FAM184B: variants seen among roughly 807,000 people sequenced by gnomAD.
FAM184B encodes protein FAM184B.
In FAM184B, 111 loss-of-function variants were observed where a neutral mutation model predicts 135.9. The ratio of observed to expected loss-of-function variants is 0.82; its 90% CI spans 0.70 to 0.96. The LOEUF (loss-of-function observed/expected upper bound fraction) is 0.96, where lower values mean the gene tolerates loss of function less well. Among genes scored for constraint, FAM184B ranks in the 40% least tolerant of loss-of-function variants. The pLI is 0.00. For synonymous variants in FAM184B, 552 were observed against 524.8 expected, an observed-to-expected ratio of 1.05 and a Z score of -0.71; for missense variants, 1,375 against 1,323.9, an observed-to-expected ratio of 1.04 and a Z score of -0.60.
At position 17,647,628 on chromosome 4, in the gene FAM184B, G is replaced by A. The variant is rs1196528716; in HGVS notation, c.2346+9C>T. ...GGGGTATTGCTGGTGCAAGGGCGGGGGCACTGACCTCTGTGGCGATTATGT... is the reference window on the plus strand; with the variant it reads ...GGGGTATTGCTGGTGCAAGGGCGGGAGCACTGACCTCTGTGGCGATTATGT... On this transcript the variant is annotated intron_variant, in intron 12 of 17. Coordinates refer to ENST00000265018, the MANE Select transcript of FAM184B (RefSeq NM_015688.2). 1.3e-6 allele frequency: 2 copies of A among 1,546,460 alleles called. No individual in the cohort carries two copies. Among genetic ancestry groups the A allele is most frequent in the Admixed American group, 2.0e-5 (1 of 50,904 alleles).
At chr4:17,742,168 A>ATATATATTTTT (rs1459958150) in intron 1 of FAM184B, among the ~76,000 whole-genome samples, 118 of 109,192 alleles carry the variant, frequency 1.1e-3, no homozygotes, top group African/African-American at 5.6e-3. Flanking sequence ...ATATATATAT[A>ATATATATTTTT]TTTTTTTTTT....
In FAM184B at chr4:17,631,337, A is replaced by G. The variant is rs917529196; in HGVS notation, c.*1195T>C. On this transcript the variant is annotated 3_prime_UTR_variant, in exon 18 of 18. Transcript: ENST00000265018. ...TAGCTGGGTTTTCTTTGGGCTAATT[A>G]TTTTTTTGTAGAGATGGAGGTCTCG... 5.3e-5 allele frequency: 8 copies of G among 150,154 alleles called. No homozygotes were observed. The highest frequency in any genetic ancestry group is 2.0e-4 in the African/African-American group (8 of 39,736). 9.3% of individuals were successfully genotyped at this position (150,154 alleles called of 1,614,324 possible). A position where few individuals can be genotyped will look rare whatever the true frequency, so the allele number is the denominator to read the frequency against.
intron 1 of FAM184B, among the ~76,000 whole-genome samples, chr4:17,744,644 C>T (rs1297641343): frequency 2.0e-5 from 3 of 151,104 alleles, no homozygotes; most frequent in Admixed American, 1.3e-4. Context: ...AGCTTGAATC[C>T]GGGAGGCAGA....
intron 1 of FAM184B, among the ~76,000 whole-genome samples, chr4:17,733,662 G>A (rs1040181615): frequency 4.3e-4 from 66 of 152,108 alleles, no homozygotes; most frequent in Non-Finnish European, 7.6e-4. Flanking sequence ...ACAAACCACT[G>A]CTCAATGAAA....
intron 5 of FAM184B, among the ~76,000 whole-genome samples, chr4:17,696,738 A>G (rs562066225): frequency 1.4e-4 from 21 of 152,224 alleles, no homozygotes; most frequent in African/African-American, 4.8e-4. Flanking sequence ...ACTTTAGCCC[A>G]GGAGTTCGAG....
At chr4:17,755,657 C>T (rs1577290898) in intron 1 of FAM184B, among the ~76,000 whole-genome samples, 1 of 152,088 alleles carries the variant, frequency 6.6e-6, no homozygotes, top group East Asian at 1.9e-4. Flanking sequence ...TGGAATCAAC[C>T]CAAATGCCCA....
intron 1 of FAM184B, among the ~76,000 whole-genome samples, chr4:17,733,021 G>T (rs557622354): frequency 5.0e-4 from 76 of 152,018 alleles, no homozygotes; most frequent in Non-Finnish European, 9.4e-4. Flanking sequence ...GGGATGCAAG[G>T]CTGGTTCAAC....
intron 1 of FAM184B, among the ~76,000 whole-genome samples, chr4:17,740,626 C>T (rs1170666184): frequency 3.9e-5 from 6 of 152,130 alleles, no homozygotes; most frequent in African/African-American, 9.7e-5. Context: ...TGGGCCTCAC[C>T]GTTCAGGTCA....
intron 1 of FAM184B, among the ~76,000 whole-genome samples, chr4:17,733,910 G>A (rs375758671): frequency 5.0e-4 from 76 of 152,166 alleles, no homozygotes; most frequent in East Asian, 2.1e-3. Context: ...GAGGCATCAC[G>A]CTACCTGACT....
At chr4:17,634,041 T>C (rs1022121729) in intron 16 of FAM184B, 153 bp from the exon 17 acceptor site, 1 of 522,622 alleles carries the variant, frequency 1.9e-6, no homozygotes, top group South Asian at 5.1e-5. Context: ...TTTAAAGCAC[T>C]TTTCCCTCCA....
intron 16 of FAM184B, 95 bp from the exon 17 acceptor site, chr4:17,633,983 G>A: frequency 9.8e-7 from 1 of 1,016,588 alleles, no homozygotes; most frequent in Non-Finnish European, 1.3e-6. Context: ...AATCAAAATT[G>A]TATCGGAGAA....
chr4:17,664,341 TA>T (rs1387686548), intron 8 of FAM184B, among the ~76,000 whole-genome samples: 1 of 152,144 alleles, frequency 6.6e-6, no homozygotes, highest in Non-Finnish European at 1.5e-5. Context: ...GTTCTTAAGC[TA>T]AAAAATGGCT....
intron 1 of FAM184B, among the ~76,000 whole-genome samples, chr4:17,747,356 C>G (rs1289655985): frequency 6.6e-6 from 1 of 152,066 alleles, no homozygotes; most frequent in Admixed American, 6.6e-5. Context: ...AAGAGAAGAA[C>G]ATGGGAAACG....
At chr4:17,706,244 T>C (rs1000890529) in intron 3 of FAM184B, among the ~76,000 whole-genome samples, 3 of 152,222 alleles carry the variant, frequency 2.0e-5, no homozygotes, top group African/African-American at 7.2e-5. Context: ...ATAAGCAGAA[T>C]GACTAAGTTT....
chr4:17,774,444 T>G (rs192958102), intron 1 of FAM184B, among the ~76,000 whole-genome samples: 1 of 152,144 alleles, frequency 6.6e-6, no homozygotes, highest in East Asian at 1.9e-4. Flanking sequence ...CTCAGAGAGG[T>G]GGACACGGGC....
Position 17,768,847 on chromosome 4 carries a change from C to A in FAM184B, c.141+12312G>T, listed in dbSNP as rs1462260530. ...GAGATGGAGTTTTGCTCTTGTTGCC[C>A]AGGCTAGAGTGCAATGGCATTATCT... On this transcript the variant is annotated intron_variant, in intron 1 of 17. Transcript: ENST00000265018. 2.0e-5 allele frequency among the ~76,000 whole-genome samples: 3 copies of A among 151,502 alleles called. No individual in the cohort carries two copies. The East Asian group carries it at 5.8e-4, about 29-fold the overall frequency.
At chr4:17,693,250 C>T (rs1307529352) in intron 6 of FAM184B, 52 bp downstream of exon 6, 2 of 1,396,712 alleles carry the variant, frequency 1.4e-6, no homozygotes, top group Non-Finnish European at 2.0e-6. Flanking sequence ...TAGGTAGAAG[C>T]TCCCAGGGAC....
intron 7 of FAM184B, among the ~76,000 whole-genome samples, chr4:17,680,324 G>A (rs1011311990): frequency 2.6e-5 from 4 of 151,892 alleles, no homozygotes; most frequent in African/African-American, 9.7e-5. Context: ...AGCCTGTCTT[G>A]TACCTGGTTG....
intron 1 of FAM184B, among the ~76,000 whole-genome samples, chr4:17,760,129 A>T (rs1718512396): frequency 6.6e-6 from 1 of 152,180 alleles, no homozygotes; most frequent in African/African-American, 2.4e-5. Flanking sequence ...GGAGACTAAT[A>T]TAATCATTAC....
Sources: gnomAD v4.1 joint callset for allele counts (sites outside exome capture counted in the v4.1 genomes callset) on GRCh38, gnomAD v4.1.1 for gene constraint, MANE v1.5 for transcripts, NCBI Gene and HGNC (gene_info 2026-07-23, HGNC 2026-07-21) for gene names.